SLC26A7: variants seen among roughly 807,000 people sequenced by gnomAD.
SLC26A7 encodes the protein solute carrier family 26 member 7.
In SLC26A7, 59 loss-of-function variants were observed where a neutral mutation model predicts 82.5. The ratio of observed to expected loss-of-function variants is 0.72; its 90% CI spans 0.58 to 0.89. The LOEUF is 0.89. Ranked by LOEUF, SLC26A7 falls within the 40% of genes least tolerant of loss-of-function variation. The probability of loss-of-function intolerance (pLI) is 0.00; values close to 1 mark genes in which losing one functional copy is unlikely to be tolerated. For missense variants in SLC26A7, 820 were observed against 793.0 expected (o/e 1.03, Z -0.41); for synonymous variants, 271 against 274.3 (o/e 0.99, Z 0.12).
intron 4 of SLC26A7, among the ~76,000 whole-genome samples, chr8:91,308,755 A>G (rs1433013361): frequency 1.3e-5 from 2 of 152,120 alleles, no homozygotes; most frequent in African/African-American, 4.8e-5. Context: ...TATTTGTTCT[A>G]TTCTTTGGTT....
chr8:91,360,731 G>C (rs934942569), intron 11 of SLC26A7, among the ~76,000 whole-genome samples: 1 of 152,078 alleles, frequency 6.6e-6, no homozygotes, highest in Non-Finnish European at 1.5e-5. Context: ...ATGCCATATT[G>C]AATCACGGAG....
At chr8:91,222,567 G>A (rs185887401) in intron 2 of SLC26A7, among the ~76,000 whole-genome samples, 84 of 152,212 alleles carry the variant, frequency 5.5e-4, no homozygotes, top group African/African-American at 1.8e-3. Flanking sequence ...TTAACATGAA[G>A]GATATTGAAT....
chr8:91,210,104 G>T (rs965742945), intron 1 of SLC26A7, among the ~76,000 whole-genome samples: 2 of 152,124 alleles, frequency 1.3e-5, no homozygotes, highest in African/African-American at 4.8e-5. Flanking sequence ...GAGGCTAAAA[G>T]GTAAATTTCC....
chr8:91,257,070 C>T (rs1410571513), intron 2 of SLC26A7, among the ~76,000 whole-genome samples: 2 of 152,170 alleles, frequency 1.3e-5, no homozygotes, highest in Non-Finnish European at 2.9e-5. Flanking sequence ...ATGTCACCTG[C>T]CTTGATAAAA....
chr8:91,311,080 C>T (rs1315230498), intron 4 of SLC26A7, among the ~76,000 whole-genome samples: 1 of 152,166 alleles, frequency 6.6e-6, no homozygotes, highest in East Asian at 1.9e-4. Flanking sequence ...GGATTTGTTG[C>T]AACAGTGGTT....
chr8:91,355,415 T>A (rs1450737640), intron 11 of SLC26A7, among the ~76,000 whole-genome samples: 3 of 152,184 alleles, frequency 2.0e-5, no homozygotes, highest in Middle Eastern at 6.8e-3. Context: ...TGTTTTTACT[T>A]TGTTCTTCTT....
upstream of SLC26A7, among the ~76,000 whole-genome samples, chr8:91,246,649 G>C (rs1810548038): frequency 6.6e-6 from 1 of 151,724 alleles, no homozygotes; most frequent in Admixed American, 6.6e-5. Flanking sequence ...GCAGTGGGTG[G>C]AGATTGTGCC....
intron 11 of SLC26A7, among the ~76,000 whole-genome samples, chr8:91,356,743 A>G (rs956070144): frequency 1.3e-5 from 2 of 151,848 alleles, no homozygotes; most frequent in Admixed American, 6.6e-5. Flanking sequence ...ATTAGATCCC[A>G]TTTGTCAATT....
At chr8:91,299,893 A>C (rs1174783142) in intron 4 of SLC26A7, among the ~76,000 whole-genome samples, 3 of 152,228 alleles carry the variant, frequency 2.0e-5, no homozygotes, top group African/African-American at 7.2e-5. Context: ...AAAGTGCGTA[A>C]GTTAAAATTA....
chr8:91,301,892 A>G (rs1163994168), intron 4 of SLC26A7, among the ~76,000 whole-genome samples: 1 of 151,688 alleles, frequency 6.6e-6, no homozygotes, highest in Non-Finnish European at 1.5e-5. Context: ...ATTTTTATAT[A>G]TACTGTGTTT....
At chr8:91,210,935 A>T (rs1368870181) in intron 1 of SLC26A7, among the ~76,000 whole-genome samples, 1 of 152,148 alleles carries the variant, frequency 6.6e-6, no homozygotes, top group African/African-American at 2.4e-5. Flanking sequence ...CCATACATAG[A>T]CACATTTTGG....
intron 9 of SLC26A7, among the ~76,000 whole-genome samples, chr8:91,350,710 A>G (rs1813690116): frequency 6.6e-6 from 1 of 152,058 alleles, no homozygotes; most frequent in African/African-American, 2.4e-5. Flanking sequence ...GATGTACCAC[A>G]CTTTATTCAC....
At chr8:91,215,413 A>G (rs1374878661) in intron 1 of SLC26A7, among the ~76,000 whole-genome samples, 3 of 152,186 alleles carry the variant, frequency 2.0e-5, no homozygotes, top group Admixed American at 2.0e-4. Flanking sequence ...ATGGTTACCA[A>G]TTATGTTGAA....
In SLC26A7 at chr8:91,280,486, C is replaced by T. The variant is rs192916479; in HGVS notation, c.194-8650C>T. On this transcript the variant is annotated intron_variant, in intron 2 of 18. Transcript: ENST00000276609. ...GAATTCCTATTGTCTGCCTCTTCTGCTTCCACCAAGATCCATTTGCTCCTC... is the reference window on the plus strand; with the variant it reads ...GAATTCCTATTGTCTGCCTCTTCTGTTTCCACCAAGATCCATTTGCTCCTC... Among the ~76,000 whole-genome samples, 1,060 of 152,326 alleles carry T rather than the reference C, an allele frequency of 7.0e-3. 7 individuals are homozygous for T. Among genetic ancestry groups the T allele is most frequent in the Non-Finnish European group, 9.2e-3 (628 of 68,028 alleles).
chr8:91,261,810 A>G (rs1026683589), intron 2 of SLC26A7, among the ~76,000 whole-genome samples: 8 of 152,088 alleles, frequency 5.3e-5, no homozygotes, highest in Admixed American at 2.6e-4. Context: ...GAGTGGAACA[A>G]AGCAGTTTTG....
At chr8:91,295,326 G>T (rs1811985935) in intron 3 of SLC26A7, among the ~76,000 whole-genome samples, 2 of 152,194 alleles carry the variant, frequency 1.3e-5, no homozygotes, top group African/African-American at 4.8e-5. Context: ...GCTGTACGTT[G>T]AATGAATAAG....
intron 15 of SLC26A7, among the ~76,000 whole-genome samples, chr8:91,384,035 G>T (rs185898727): frequency 7.9e-5 from 12 of 152,114 alleles, no homozygotes; most frequent in Non-Finnish European, 1.6e-4. Flanking sequence ...AAACAATGCA[G>T]GTATATTAGT....
At chr8:91,394,541 T>C (rs930732399) in intron 18 of SLC26A7, 1 of 1,278,848 alleles carries the variant, frequency 7.8e-7, no homozygotes. Context: ...GTTTTACAAC[T>C]GTTCTTAGAG....
At chr8:91,278,947 T>C (rs966947813) in intron 2 of SLC26A7, among the ~76,000 whole-genome samples, 10 of 151,840 alleles carry the variant, frequency 6.6e-5, no homozygotes, top group African/African-American at 2.4e-4. Flanking sequence ...ATCATTTCAC[T>C]CTTTCTATTA....
Sources: allele counts gnomAD v4.1 joint callset (sites outside exome capture counted in the v4.1 genomes callset), GRCh38; gene constraint gnomAD v4.1.1; transcripts MANE v1.5; gene names NCBI Gene and HGNC (gene_info 2026-07-23, HGNC 2026-07-21).